SLC4A5: variants seen among roughly 807,000 people sequenced by gnomAD.
SLC4A5 encodes electrogenic sodium bicarbonate cotransporter 4.
Under a neutral mutation model 120.4 loss-of-function variants are expected in SLC4A5, and 96 were observed. That is an observed-to-expected ratio of 0.80 (90% CI 0.68 to 0.94). SLC4A5 has a LOEUF of 0.94. Ranked by LOEUF, SLC4A5 falls within the 40% of genes least tolerant of loss-of-function variation. The probability of loss-of-function intolerance (pLI) is 0.00; values close to 1 mark genes in which losing one functional copy is unlikely to be tolerated. For synonymous variants in SLC4A5, 550 were observed against 571.1 expected, an observed-to-expected ratio of 0.96 and a Z score of 0.53; for missense variants, 1,259 against 1,459.5, an observed-to-expected ratio of 0.86 and a Z score of 2.24.
rs779798842 is a variant in SLC4A5 at position 74,224,867 on chromosome 2, T to C, written c.3219A>G (p.Lys1073=). 3.7e-6 allele frequency: 6 copies of C among 1,612,394 alleles called. No homozygotes were observed. In the Admixed American group the frequency reaches 8.4e-5, roughly 23 times the overall value. ...CCTCATCACAGTCCTCGTGGGCCCCTTTTTTTCTCTTCCTCTTCTTGTCTG... is the reference window on the plus strand; with the variant it reads ...CCTCATCACAGTCCTCGTGGGCCCCCTTTTTTCTCTTCCTCTTCTTGTCTG... The change falls in exon 28 of 31, where the codon AAA becomes AAG. Residue 1073 remains lysine, a synonymous_variant. Coordinates refer to ENST00000394019, the Ensembl canonical transcript of SLC4A5.
At chr2:74,250,417 A>G (rs377674391) in exon 17 of SLC4A5, 98 of 1,614,084 alleles carry the variant, frequency 6.1e-5, no homozygotes, top group Non-Finnish European at 8.2e-5. Flanking sequence ...AGGTAGATGA[A>G]TAGGATGGCA....
At chr2:74,219,178 TGTGTG>T (rs1694537270) in intron 30 of SLC4A5, among the ~76,000 whole-genome samples, 2 of 29,382 alleles carry the variant, frequency 6.8e-5, no homozygotes, top group South Asian at 3.3e-3. Flanking sequence ...TCTTTGGAGG[TGTGTG>T]TGTGTGTGTG....
At chr2:74,276,381 GAAGA>G (rs1401703947) in intron 8 of SLC4A5, among the ~76,000 whole-genome samples, 2 of 152,160 alleles carry the variant, frequency 1.3e-5, no homozygotes, top group African/African-American at 4.8e-5. Flanking sequence ...TGGAATGAAA[GAAGA>G]AAGGTGTGGA....
intron 3 of SLC4A5, among the ~76,000 whole-genome samples, chr2:74,336,222 A>G (rs1673484688): frequency 6.6e-6 from 1 of 152,006 alleles, no homozygotes; most frequent in South Asian, 2.1e-4. Flanking sequence ...CAGGTGCCAC[A>G]CCATACCAGG....
Position 74,302,369 on chromosome 2 carries a change from C to A in SLC4A5, c.271+2120G>T, listed in dbSNP as rs187009213. The stretch of plus-strand genomic sequence containing the variant: ...TGGTGGCTCATGCCTGTAATCCCAG[C>A]ACTTTGGGAGGCTGAAGCAGGTAGA... On this transcript the variant is annotated intron_variant, in intron 7 of 30. Transcript: ENST00000394019. Among the ~76,000 whole-genome samples, 199 of 152,318 alleles carry A rather than the reference C, an allele frequency of 1.3e-3. 3 individuals carry two copies. Among genetic ancestry groups the A allele is most frequent in the Non-Finnish European group, 1.6e-4 (11 of 68,028 alleles).
At chr2:74,261,954 G>A (rs113386292) in intron 11 of SLC4A5, among the ~76,000 whole-genome samples, 183 bp downstream of exon 11, 7 of 152,328 alleles carry the variant, frequency 4.6e-5, no homozygotes, top group African/African-American at 1.7e-4. Context: ...TGAATATTAT[G>A]GTAGTAAATG....
chr2:74,328,147 G>A (rs1026353198), exon 5 of SLC4A5: 1 of 985,732 alleles, frequency 1.0e-6, no homozygotes, highest in Non-Finnish European at 1.2e-6. Context: ...TGGAAACCAG[G>A]ATCCAAATCC....
intron 4 of SLC4A5, among the ~76,000 whole-genome samples, chr2:74,333,182 G>A (rs904036810): frequency 6.6e-6 from 1 of 152,162 alleles, no homozygotes; most frequent in African/African-American, 2.4e-5. Flanking sequence ...GCCTCTAGTG[G>A]GTAGTGGTCA....
Position 74,262,133 on chromosome 2 carries a change from T to A in SLC4A5, c.811+4A>T. 6.2e-7 allele frequency: 1 copy of A among 1,613,096 alleles called. No individual in the cohort carries two copies. Among genetic ancestry groups the A allele is most frequent in the Non-Finnish European group, 8.5e-7 (1 of 1,179,476 alleles). ...TGCCACAGAGCGGCAGAGCACACACTCACACAGACGTCCGTAATTTGCACT... is the reference window on the plus strand; with the variant it reads ...TGCCACAGAGCGGCAGAGCACACACACACACAGACGTCCGTAATTTGCACT... On this transcript the variant is annotated splice_donor_region_variant and intron_variant, in intron 11 of 30. Transcript: ENST00000394019.
intron 15 of SLC4A5, 53 bp downstream of exon 15, chr2:74,252,921 C>T (rs1281674852): frequency 8.8e-6 from 14 of 1,589,888 alleles, no homozygotes; most frequent in South Asian, 5.5e-5. Context: ...AAAATGATAC[C>T]GACAGAGTTG....
chr2:74,258,726 C>G (rs917656809), intron 12 of SLC4A5, among the ~76,000 whole-genome samples: 3 of 152,178 alleles, frequency 2.0e-5, no homozygotes, highest in African/African-American at 7.2e-5. Flanking sequence ...CAGAAAATGC[C>G]TGGCACAGTG....
chr2:74,220,719 T>G (rs1694610117), intron 30 of SLC4A5, among the ~76,000 whole-genome samples: 1 of 150,384 alleles, frequency 6.6e-6, no homozygotes, highest in African/African-American at 2.5e-5. Context: ...GGTTTCACCA[T>G]GTTAGCCAGG....
intron 5 of SLC4A5, among the ~76,000 whole-genome samples, chr2:74,324,910 T>C (rs1212976713): frequency 1.3e-5 from 2 of 152,170 alleles, no homozygotes; most frequent in South Asian, 2.1e-4. Context: ...ACTCTGGCAC[T>C]GCTAAGCTGA....
intron 8 of SLC4A5, among the ~76,000 whole-genome samples, chr2:74,270,134 C>T (rs1260744691): frequency 6.6e-6 from 1 of 152,186 alleles, no homozygotes; most frequent in African/African-American, 2.4e-5. Context: ...TTAAGAAATT[C>T]CGGAATATGA....
At chr2:74,307,273 T>C in intron 6 of SLC4A5, 1 of 522,268 alleles carries the variant, frequency 1.9e-6, no homozygotes, top group Non-Finnish European at 3.6e-6. Context: ...ATGTCTGCCA[T>C]GATCTTATCA....
At chr2:74,251,083 CAG>C (rs1445657163) in intron 16 of SLC4A5, among the ~76,000 whole-genome samples, 2 of 152,166 alleles carry the variant, frequency 1.3e-5, no homozygotes, top group Admixed American at 6.5e-5. Flanking sequence ...TAGCATGGAG[CAG>C]AGTTTCTCAA....
At chr2:74,258,769 T>G (rs3771725) in intron 12 of SLC4A5, among the ~76,000 whole-genome samples, 16,483 of 152,224 alleles carry the variant, frequency 0.11, 1,027 homozygotes, top group East Asian at 0.27. Flanking sequence ...AAATATTGAT[T>G]GATTTTGTTA....
intron 20 of SLC4A5, among the ~76,000 whole-genome samples, chr2:74,240,531 G>A (rs759676628): frequency 1.3e-5 from 2 of 152,154 alleles, no homozygotes; most frequent in African/African-American, 2.4e-5. Flanking sequence ...AATAGGCACT[G>A]ACTGATTCTG....
At chr2:74,222,295 C>G (rs559107802) in intron 29 of SLC4A5, among the ~76,000 whole-genome samples, 2 of 152,092 alleles carry the variant, frequency 1.3e-5, no homozygotes, top group Admixed American at 6.6e-5. Flanking sequence ...TCTGGGGACA[C>G]CTGGGGAAAG....
Sources: allele counts gnomAD v4.1 joint callset (sites outside exome capture counted in the v4.1 genomes callset), GRCh38; gene constraint gnomAD v4.1.1; transcripts MANE v1.5; gene names NCBI Gene and HGNC (gene_info 2026-07-23, HGNC 2026-07-21).